Variants in CDKN3 observed in about 807,000 individuals in gnomAD.
The protein encoded by CDKN3 is cyclin dependent kinase inhibitor 3.
Under a neutral mutation model 36.1 loss-of-function variants are expected in CDKN3, and 19 were observed. The observed-to-expected ratio is 0.53, with a 90% CI of 0.37 to 0.77. The LOEUF (loss-of-function observed/expected upper bound fraction) is 0.77, where lower values mean the gene tolerates loss of function less well. CDKN3 is among the 30% of genes least tolerant of loss of function. CDKN3 has a pLI of 0.00. For synonymous variants in CDKN3, 71 were observed against 85.3 expected (o/e 0.83, Z 0.92); for missense variants, 188 against 248.6 (o/e 0.76, Z 1.64).
At chr14:54,408,164 T>G (rs1248717302) in intron 3 of CDKN3, among the ~76,000 whole-genome samples, 1 of 152,256 alleles carries the variant, frequency 6.6e-6, no homozygotes, top group Non-Finnish European at 1.5e-5. Context: ...GTAGTTCTAC[T>G]TTTAGTTCTT....
intron 2 of CDKN3, among the ~76,000 whole-genome samples, chr14:54,400,630 G>A (rs1057025322): frequency 2.6e-5 from 4 of 152,170 alleles, no homozygotes; most frequent in African/African-American, 9.7e-5. Flanking sequence ...CTCTTCTTAA[G>A]AAAGCACTAT....
chr14:54,414,649 G>A (rs1037418118), intron 5 of CDKN3, among the ~76,000 whole-genome samples: 3 of 148,862 alleles, frequency 2.0e-5, no homozygotes, highest in African/African-American at 7.5e-5. Context: ...GGGCTCAAGC[G>A]ATCCTCCCAC....
At chr14:54,401,689 C>A (rs925417793) in intron 3 of CDKN3, 110 bp downstream of exon 3, 2 of 758,910 alleles carry the variant, frequency 2.6e-6, no homozygotes, top group Non-Finnish European at 2.1e-6. Context: ...TAAATAAGTT[C>A]TTTAGTGGCA....
intron 3 of CDKN3, among the ~76,000 whole-genome samples, chr14:54,405,667 C>CT (rs1462367730): frequency 4.6e-5 from 7 of 151,968 alleles, no homozygotes; most frequent in South Asian, 2.1e-4. Flanking sequence ...GCAACCCTTG[C>CT]TTTTTTTTGC....
chr14:54,410,318 A>T (rs909319975), intron 4 of CDKN3, among the ~76,000 whole-genome samples: 1 of 152,224 alleles, frequency 6.6e-6, no homozygotes, highest in African/African-American at 2.4e-5. Context: ...AAATGTGTAC[A>T]AAAGGCAAAT....
chr14:54,419,896 A>C, intron 7 of CDKN3, 96 bp from the exon 8 acceptor site: 1 of 687,808 alleles, frequency 1.5e-6, no homozygotes, highest in Non-Finnish European at 2.6e-6. Context: ...TGTGCTTAGC[A>C]AGTATTTTTT....
intron 5 of CDKN3, chr14:54,413,563 A>G: frequency 7.2e-7 from 1 of 1,382,002 alleles, no homozygotes; most frequent in South Asian, 1.2e-5. Flanking sequence ...TCAGTCTCCC[A>G]TAAAATAAAG....
rs1168899686 is a variant in CDKN3 at position 54,397,010 on chromosome 14, G to A, written c.-59G>A. On this transcript the variant is annotated 5_prime_UTR_variant, in exon 1 of 8. Transcript: ENST00000335183. Reference sequence around the variant, plus strand: ...GGGGCGCGGGCTCGGCCGGGGCACCGGTGAGTCGCCGGCGCTGCAGAGGGA... The same window carrying A: ...GGGGCGCGGGCTCGGCCGGGGCACCAGTGAGTCGCCGGCGCTGCAGAGGGA... The A allele has an allele frequency of 4.9e-6, 7 of 1,434,966 alleles. No homozygotes were observed. The East Asian group carries it at 8.8e-5, about 18-fold the overall frequency. The allele number at this position is 1,434,966 out of a possible 1,614,324, so 88.9% of individuals were successfully genotyped here.
chr14:54,419,928 T>C, intron 7 of CDKN3, 64 bp from the exon 8 acceptor site: 1 of 870,464 alleles, frequency 1.1e-6, no homozygotes, highest in Non-Finnish European at 1.9e-6. Flanking sequence ...TACCTGCTAA[T>C]ATTGTGCCCA....
chr14:54,402,749 C>T (rs186204205), intron 3 of CDKN3, among the ~76,000 whole-genome samples: 1 of 152,092 alleles, frequency 6.6e-6, no homozygotes, highest in Non-Finnish European at 1.5e-5. Context: ...AAGGGGTCCA[C>T]TTTCAGTTTT....
At chr14:54,407,201 G>T (rs1171162861) in intron 3 of CDKN3, among the ~76,000 whole-genome samples, 2 of 152,344 alleles carry the variant, frequency 1.3e-5, no homozygotes, top group East Asian at 1.9e-4. Flanking sequence ...ATTGCTGCCT[G>T]CTCCTTCCTC....
chr14:54,403,525 CTT>C (rs1200075386), intron 3 of CDKN3, among the ~76,000 whole-genome samples: 2 of 152,206 alleles, frequency 1.3e-5, no homozygotes, highest in Non-Finnish European at 2.9e-5. Context: ...TTTGAATACT[CTT>C]TATTTCTTTC....
intron 3 of CDKN3, 85 bp downstream of exon 3, chr14:54,401,664 T>C: frequency 1.0e-6 from 1 of 987,752 alleles, no homozygotes; most frequent in East Asian, 2.7e-5. Flanking sequence ...GGGGGACAGG[T>C]GGTGTTTGGT....
intron 3 of CDKN3, among the ~76,000 whole-genome samples, chr14:54,402,676 GT>G (rs1402492236): frequency 6.6e-6 from 1 of 152,188 alleles, no homozygotes; most frequent in Non-Finnish European, 1.5e-5. Flanking sequence ...AGTTTTTAGA[GT>G]TTTAGGTCTT....
At chr14:54,408,518 G>A in intron 3 of CDKN3, 1 of 460,712 alleles carries the variant, frequency 2.2e-6, no homozygotes, top group Non-Finnish European at 3.7e-6. Flanking sequence ...ACTACAACCA[G>A]GTACTTGTTA....
intron 4 of CDKN3, among the ~76,000 whole-genome samples, chr14:54,410,778 G>A (rs751303222): frequency 6.6e-6 from 1 of 151,284 alleles, no homozygotes; most frequent in Non-Finnish European, 1.5e-5. Context: ...GAAAAAAAGT[G>A]CTATCATCCT....
chr14:54,398,088 G>A (rs1296850736), intron 1 of CDKN3, among the ~76,000 whole-genome samples: 1 of 152,124 alleles, frequency 6.6e-6, no homozygotes, highest in Non-Finnish European at 1.5e-5. Context: ...CGGATATCAC[G>A]CCACTGCCCT....
intron 3 of CDKN3, among the ~76,000 whole-genome samples, chr14:54,408,024 T>C (rs1208096455): frequency 1.3e-5 from 2 of 152,238 alleles, no homozygotes; most frequent in Admixed American, 6.5e-5. Flanking sequence ...TTGATGGGCA[T>C]TTGGGCTGGT....
intron 5 of CDKN3, chr14:54,413,590 T>A: frequency 6.6e-7 from 1 of 1,519,014 alleles, no homozygotes; most frequent in South Asian, 1.2e-5. Context: ...ACAACTGGCA[T>A]TTTTCATTGT....
Sources: gnomAD v4.1 joint callset for allele counts (sites outside exome capture counted in the v4.1 genomes callset) on GRCh38, gnomAD v4.1.1 for gene constraint, MANE v1.5 for transcripts, NCBI Gene and HGNC (gene_info 2026-07-23, HGNC 2026-07-21) for gene names.